FN1: variants seen among roughly 807,000 people sequenced by gnomAD.
FN1 encodes fibronectin.
A neutral mutation model predicts 297.3 loss-of-function variants in FN1; 106 were observed. The ratio of observed to expected loss-of-function variants is 0.36; its 90% CI spans 0.30 to 0.42. The LOEUF (loss-of-function observed/expected upper bound fraction) is 0.42, where lower values mean the gene tolerates loss of function less well. FN1 is among the 10% of genes least tolerant of loss of function. The pLI, the probability that FN1 is intolerant of heterozygous loss-of-function variation, is 1.00. For missense variants in FN1, 2,690 were observed against 3,124.9 expected (o/e 0.86, Z 3.32); for synonymous variants, 1,149 against 1,152.6 (o/e 1.00, Z 0.06).
intron 12 of FN1, among the ~76,000 whole-genome samples, chr2:215,416,369 TA>T (rs753281154): frequency 6.6e-6 from 1 of 152,188 alleles, no homozygotes; most frequent in African/African-American, 2.4e-5. Flanking sequence ...ATGTTTGTTT[TA>T]ATCAATTGGC....
Position 215,387,747 on chromosome 2 carries a change from A to G in FN1, c.4342+465T>C, listed in dbSNP as rs1400149758. Among the ~76,000 whole-genome samples, 4 of 152,244 alleles carry G rather than the reference A, an allele frequency of 2.6e-5. No individual in the cohort carries two copies. In the East Asian group the frequency reaches 7.7e-4, roughly 29 times the overall value. ...TACACTAAAGTGTACCTTTTGAAAG[A>G]AAAAATTAAAAGCATTCATATTTAA... On this transcript the variant is annotated intron_variant, in intron 27 of 45. Coordinates refer to ENST00000354785, the MANE Select transcript of FN1 (RefSeq NM_212482.4).
rs1575355312 is a variant in FN1 at position 215,379,165 on chromosome 2, G to C, written c.5587C>G (p.Pro1863Ala). The change falls in exon 34 of 46, where the codon CCT becomes GCT. Residue 1863 changes from proline to alanine, a missense_variant. Transcript: ENST00000354785. ...TGPMKEINLA[P>A]DSSSVVVSGL... ...GATACAACCACGGATGAGCTGTCAG[G>C]AGCAAGGTTGATTTCTTTCATTGGT... is the stretch of plus-strand genomic sequence containing the variant. 6.2e-7 allele frequency: 1 copy of C among 1,613,940 alleles called. No individual in the cohort carries two copies. Among genetic ancestry groups the C allele is most frequent in the Non-Finnish European group, 8.5e-7 (1 of 1,180,018 alleles).
chr2:215,393,257 A>G (rs2059922396), intron 24 of FN1, 54 bp from the exon 25 acceptor site: 2 of 1,575,984 alleles, frequency 1.3e-6, no homozygotes, highest in African/African-American at 2.7e-5. Context: ...TAGAGGGAAA[A>G]AAAGAGGAAA....
At position 215,434,702 on chromosome 2, in the gene FN1, G is replaced by A. The variant is rs760606892; in HGVS notation, c.271C>T (p.Pro91Ser). The change falls in exon 2 of 46, where the codon CCT becomes TCT. Residue 91 changes from proline to serine, a missense_variant. Transcript: ENST00000354785. ...GSRGFNCESK[P>S]EAEETCFDKY... ...GGGGCTTGTTGTCACTTACCTTCAG[G>A]TTTACTCTCGCAGTTAAAACCTCGG... The A allele has an allele frequency of 6.2e-7, 1 of 1,614,112 alleles. No individual in the cohort carries two copies. Among genetic ancestry groups the A allele is most frequent in the South Asian group, 1.1e-5 (1 of 91,074 alleles).
rs1436052369 is a variant in FN1 at position 215,428,278 on chromosome 2, T to G, written c.746A>C (p.Lys249Thr). 6.2e-7 allele frequency: 1 copy of G among 1,614,002 alleles called. No homozygotes were observed. Among genetic ancestry groups the G allele is most frequent in the African/African-American group, 1.3e-5 (1 of 74,952 alleles). The change falls in exon 6 of 46, where the codon AAG becomes ACG. Residue 249 changes from lysine (K) to threonine (T), a missense_variant. Lys to Thr is a moderately conservative substitution (Grantham distance 78). This residue lies in a region of FN1 where 876 missense variants were observed against 1,058.1 expected (regional missense o/e 0.83). Transcript: ENST00000354785. ...SYRIGDTWSK[K>T]DNRGNLLQCI... Reference sequence around the variant, plus strand: ...CTGGAGCAGGTTTCCTCGATTATCCTTCTTGCTCCAGGTGTCTCCAATTCT... The same window carrying G: ...CTGGAGCAGGTTTCCTCGATTATCCGTCTTGCTCCAGGTGTCTCCAATTCT...
intron 3 of FN1, 87 bp downstream of exon 3, chr2:215,433,237 G>T: frequency 1.3e-6 from 2 of 1,535,230 alleles, no homozygotes; most frequent in Non-Finnish European, 9.0e-7. Context: ...GGAATATCCA[G>T]TCATGGATAA....
rs770837561 is a variant in FN1 at position 215,419,358 on chromosome 2, G to A, written c.1703C>T (p.Thr568Met). 15 of 1,612,842 alleles carry A rather than the reference G, an allele frequency of 9.3e-6. No homozygotes were observed. The highest frequency in any genetic ancestry group is 3.3e-5 in the South Asian group (3 of 91,066). The change falls in exon 12 of 46, where the codon ACG becomes ATG. Residue 568 changes from threonine to methionine, a missense_variant. Around this residue, in one of 3 missense-constraint regions of FN1, gnomAD observed 876 missense variants for 1,058.1 expected, o/e 0.83. Coordinates refer to ENST00000354785, the MANE Select transcript of FN1 (RefSeq NM_212482.4). Reference protein sequence around the residue: ...VDQCQDSETGTFYQIGDSWEK... With the variant: ...VDQCQDSETGMFYQIGDSWEK... ...CCATGAATCTCCAATTTGATAAAAC[G>A]TCCCAGTCTCTGAATCCTGGCATTG...
At chr2:215,365,957 C>T (rs1443702212) in intron 42 of FN1, among the ~76,000 whole-genome samples, 3 of 147,690 alleles carry the variant, frequency 2.0e-5, no homozygotes, top group South Asian at 2.1e-4. Flanking sequence ...AGGCACTCCC[C>T]ACAGTGCTAT....
At position 215,372,148 on chromosome 2, in the gene FN1, G is replaced by C. The variant is rs760226039; in HGVS notation, c.6475C>G (p.Pro2159Ala). The C allele has an allele frequency of 2.5e-6, 4 of 1,614,104 alleles. No individual in the cohort carries two copies. The African/African-American group carries it at 5.3e-5, about 22-fold the overall frequency. The change falls in exon 40 of 46, where the codon CCC becomes GCC. Residue 2159 changes from proline to alanine, a missense_variant. Pro to Ala is a conservative substitution (Grantham distance 27). This residue lies in a region of FN1 where 1,743 missense variants were observed against 1,945.2 expected (regional missense o/e 0.90). Transcript: ENST00000354785. ...TATGGTCTTGGCCTATGCCTTATGG[G>C]GGTGGCCGTTGTGGGCGGTGTGGTC... ...RRTTPPTTAT[P>A]IRHRPRPYPP... is the part of the protein sequence containing the mutation.
Position 215,425,183 on chromosome 2 carries a change from T to G in FN1, c.947A>C (p.Tyr316Ser). ...GHCVTDSGVV[Y>S]SVGMQWLKTQ... The stretch of plus-strand genomic sequence containing the variant: ...CTTCAGCCACTGCATCCCCACAGAG[T>G]AGACCACACCACTGTCTGTGACACA... The change falls in exon 7 of 46, where the codon TAC (tyrosine) becomes TCC (serine). Residue 316 changes from tyrosine to serine, a missense_variant. Around this residue, in one of 3 missense-constraint regions of FN1, gnomAD observed 876 missense variants for 1,058.1 expected, o/e 0.83. Transcript: ENST00000354785. 1 of 1,614,048 alleles carries G rather than the reference T, an allele frequency of 6.2e-7. No individual in the cohort carries two copies. The highest frequency in any genetic ancestry group is 1.3e-5 in the African/African-American group (1 of 75,000).
At chr2:215,413,177 C>G (rs62183108) in intron 13 of FN1, among the ~76,000 whole-genome samples, 1 of 152,102 alleles carries the variant, frequency 6.6e-6, no homozygotes, top group African/African-American at 2.4e-5. Context: ...TGCAATGGCG[C>G]GATCTTGGCT....
At chr2:215,381,182 T>C in intron 32 of FN1, 102 bp from the exon 33 acceptor site, 2 of 1,144,892 alleles carry the variant, frequency 1.7e-6, no homozygotes, top group South Asian at 2.5e-5. Context: ...TTTTCTTTGA[T>C]GAAGTCCAAT....
chr2:215,401,247 AAAGG>A (rs200551197), intron 20 of FN1, among the ~76,000 whole-genome samples: 11,919 of 79,512 alleles, frequency 0.15, 895 homozygotes, highest in East Asian at 0.31. Context: ...AGAAAGAAAG[AAAGG>A]AAGAAAGAAA....
In FN1 at chr2:215,418,308, G is replaced by A. The variant is rs144280138; in HGVS notation, c.1819+934C>T. 4.6e-5 allele frequency among the ~76,000 whole-genome samples: 7 copies of A among 152,316 alleles called. 1 individual carries two copies. In the East Asian group the frequency reaches 1.4e-3, roughly 29 times the overall value. On this transcript the variant is annotated intron_variant, in intron 12 of 45. Transcript: ENST00000354785. ...GCTACAATCTTCCCATATTACAGAT[G>A]AGGAAATGGAGGAATGAGGCTTGGC... is the stretch of plus-strand genomic sequence containing the variant.
In FN1 at chr2:215,364,960, C is replaced by G; in HGVS notation, c.7170G>C (p.Gly2390=). 1 of 1,580,350 alleles carries G rather than the reference C, an allele frequency of 6.3e-7. No homozygotes were observed. The highest frequency in any genetic ancestry group is 8.6e-7 in the Non-Finnish European group (1 of 1,161,786). The stretch of plus-strand genomic sequence containing the variant: ...ACTGTTCTCCTACGTGGTATGTCTT[C>G]CCATCATCATAACACGTTGCCTCAT... ...DPHEATCYDD[G]KTYHVGEQWQ... The change falls in exon 44 of 46, where the codon GGG becomes GGC. Residue 2390 remains glycine, a synonymous_variant. Coordinates refer to ENST00000354785, the MANE Select transcript of FN1 (RefSeq NM_212482.4).
Position 215,383,380 on chromosome 2 carries a change from G to A in FN1, c.4998C>T (p.Thr1666=). 2 of 1,613,932 alleles carry A rather than the reference G, an allele frequency of 1.2e-6. No individual in the cohort carries two copies. The highest frequency in any genetic ancestry group is 1.1e-5 in the South Asian group (1 of 91,066). Residue 1666 remains threonine, a synonymous_variant, in exon 31 of 46, where the codon ACC becomes ACT. Transcript: ENST00000354785. ...GTCCTGGTCCATTTTTGGGAGTGGT[G>A]GTTACTCTGTAACCAGTAACAGGGG... The part of the protein sequence containing the change: ...SSSPVTGYRV[T]TTPKNGPGPT...
intron 5 of FN1, among the ~76,000 whole-genome samples, chr2:215,430,294 A>G (rs898164849): frequency 2.0e-5 from 3 of 152,266 alleles, no homozygotes; most frequent in African/African-American, 4.8e-5. Context: ...TAAAGACACC[A>G]GAGGCCAGCT....
intron 44 of FN1, 129 bp from the exon 45 acceptor site, chr2:215,362,208 C>A: frequency 1.4e-6 from 1 of 714,450 alleles, no homozygotes; most frequent in South Asian, 1.5e-5. Flanking sequence ...AATCACTAAG[C>A]AAGCTTTGAT....
chr2:215,433,176 T>C (rs531029857), intron 3 of FN1, 148 bp downstream of exon 3: 8 of 874,300 alleles, frequency 9.2e-6, no homozygotes, highest in South Asian at 2.7e-5. Context: ...CAGGAACCAG[T>C]TGGGTGACCA....
Sources: allele counts gnomAD v4.1 joint callset (sites outside exome capture counted in the v4.1 genomes callset), GRCh38; gene constraint gnomAD v4.1.1; regional missense constraint gnomAD v4.1.1; transcripts MANE v1.5; gene names NCBI Gene and HGNC (gene_info 2026-07-23, HGNC 2026-07-21).